The following PLEKHA8 variants were observed in gnomAD, a reference collection of about 807,000 sequenced individuals.
PLEKHA8 encodes the protein pleckstrin homology domain containing A8.
PLEKHA8 carries 36 observed loss-of-function variants against 68.2 expected under a neutral mutation model. That is an observed-to-expected ratio of 0.53 (90% CI 0.40 to 0.70). PLEKHA8 has a LOEUF of 0.70. PLEKHA8 is among the 30% of genes least tolerant of loss of function. The pLI, the probability that PLEKHA8 is intolerant of heterozygous loss-of-function variation, is 0.00. For synonymous variants in PLEKHA8, 211 were observed against 216.1 expected, an observed-to-expected ratio of 0.98 and a Z score of 0.20; for missense variants, 505 against 615.4, an observed-to-expected ratio of 0.82 and a Z score of 1.90.
At chr7:30,092,414 C>CA (rs1192408804), downstream of PLEKHA8, among the ~76,000 whole-genome samples, 2 of 152,012 alleles carry the variant, frequency 1.3e-5, no homozygotes, top group African/African-American at 4.8e-5. Flanking sequence ...CACTGTGTGT[C>CA]ACGGCACCTT....
intron 12 of PLEKHA8, chr7:30,069,679 T>G (rs895780784): frequency 3.3e-5 from 5 of 152,246 alleles, no homozygotes; most frequent in Non-Finnish European, 4.4e-5. Context: ...TTACATTGTT[T>G]ACAGAGTAAA....
downstream of PLEKHA8, among the ~76,000 whole-genome samples, chr7:30,093,874 G>A (rs1795507023): frequency 6.6e-6 from 1 of 152,214 alleles, no homozygotes; most frequent in South Asian, 2.1e-4. Context: ...TTGGACTCTG[G>A]TCTGCCTTTC....
rs146620418 is a variant in PLEKHA8 at position 30,036,566 on chromosome 7, T to A, written c.40+7764T>A. On this transcript the variant is annotated intron_variant, in intron 1 of 13. Coordinates refer to ENST00000449726, the MANE Select transcript of PLEKHA8 (RefSeq NM_001197026.2). ...TTAAACCATGGTTTCCTCACTCCGT[T>A]GTTTTAAGGTGCTGGTAGGACATAT... is the stretch of plus-strand genomic sequence containing the variant. Among the ~76,000 whole-genome samples the A allele has an allele frequency of 6.1e-4, 93 of 152,294 alleles. No homozygotes were observed. The East Asian group carries it at 0.017, about 27-fold the overall frequency.
rs1794889810 is a variant in PLEKHA8, at chr7:30,080,762, T to A, written c.*1975T>A. 1 of 985,156 alleles carries A rather than the reference T, an allele frequency of 1.0e-6. No homozygotes were observed. Among genetic ancestry groups the A allele is most frequent in the Non-Finnish European group, 1.2e-6 (1 of 829,900 alleles). 61.0% of individuals were successfully genotyped at this position (985,156 alleles called of 1,614,324 possible). On this transcript the variant is annotated 3_prime_UTR_variant, in exon 14 of 14. Coordinates refer to ENST00000449726, the MANE Select transcript of PLEKHA8 (RefSeq NM_001197026.2). ...CACTCTCATGAGCAGTGAGTATAGATCTCCTTCTCTGATTAGTATGAATAT... is the reference window on the plus strand; with the variant it reads ...CACTCTCATGAGCAGTGAGTATAGAACTCCTTCTCTGATTAGTATGAATAT...
In PLEKHA8 at chr7:30,083,867, A is replaced by G; in HGVS notation, c.*5080A>G. ...CCCTGGGATGGTTGATACCCCTTAC[A>G]AAGTCGATCTTACCCACACAGACTC... is the stretch of plus-strand genomic sequence containing the variant. On this transcript the variant is annotated 3_prime_UTR_variant, in exon 14 of 14. Transcript: ENST00000449726. 3.0e-6 allele frequency: 3 copies of G among 985,418 alleles called. No homozygotes were observed. Among genetic ancestry groups the G allele is most frequent in the Non-Finnish European group, 3.6e-6 (3 of 829,916 alleles). 61.0% of individuals were successfully genotyped at this position (985,418 alleles called of 1,614,324 possible). A position where few individuals can be genotyped will look rare whatever the true frequency, so the allele number is the denominator to read the frequency against.
chr7:30,085,818 G>A (rs1795158995), downstream of PLEKHA8, among the ~76,000 whole-genome samples: 2 of 152,178 alleles, frequency 1.3e-5, no homozygotes, highest in Non-Finnish European at 1.5e-5. Context: ...GCTATGTTGT[G>A]CCATGTGCAA....
At chr7:30,074,526 AG>A (rs763606107) in intron 13 of PLEKHA8, among the ~76,000 whole-genome samples, 2 of 152,174 alleles carry the variant, frequency 1.3e-5, no homozygotes, top group Non-Finnish European at 2.9e-5. Flanking sequence ...GGTAGTAAAA[AG>A]CTTAAGTATC....
intron 1 of PLEKHA8, among the ~76,000 whole-genome samples, chr7:30,041,338 A>G (rs1460622938): frequency 2.0e-5 from 3 of 152,210 alleles, no homozygotes; most frequent in African/African-American, 7.2e-5. Context: ...TCCCTTGTAT[A>G]ATTATAACCT....
chr7:30,079,118 C>T lies in PLEKHA8; in HGVS notation c.*331C>T. 9.7e-7 allele frequency: 1 copy of T among 1,028,162 alleles called. No homozygotes were observed. Among genetic ancestry groups the T allele is most frequent in the Non-Finnish European group, 1.2e-6 (1 of 856,914 alleles). The allele number at this position is 1,028,162 out of a possible 1,614,324, so 63.7% of individuals were successfully genotyped here. ...TGTTTTTATATTTTAGTCTAATGGG[C>T]CACCCAAACCCAAGCTGAAAATCAG... On this transcript the variant is annotated 3_prime_UTR_variant, in exon 14 of 14. Coordinates refer to ENST00000449726, the MANE Select transcript of PLEKHA8 (RefSeq NM_001197026.2).
chr7:30,101,959 T>A (rs934064936), intron 13 of PLEKHA8, among the ~76,000 whole-genome samples: 12 of 152,302 alleles, frequency 7.9e-5, no homozygotes, highest in African/African-American at 2.9e-4. Context: ...AAAAAACTTT[T>A]GTGCATCAAA....
chr7:30,032,568 CAG>C (rs1180665982), intron 1 of PLEKHA8, among the ~76,000 whole-genome samples: 24 of 152,202 alleles, frequency 1.6e-4, no homozygotes, highest in Admixed American at 4.6e-4. Flanking sequence ...TAAGTGGCTT[CAG>C]AGTCAGTGCT....
downstream of PLEKHA8, chr7:30,084,775 T>C (rs1795107999): frequency 2.3e-6 from 1 of 439,848 alleles, no homozygotes; most frequent in Non-Finnish European, 3.0e-6. Context: ...ATAAGAACAT[T>C]TCATCCTCCT....
intron 13 of PLEKHA8, among the ~76,000 whole-genome samples, chr7:30,128,979 G>A (rs1217714388): frequency 6.6e-6 from 1 of 152,144 alleles, no homozygotes; most frequent in Non-Finnish European, 1.5e-5. Context: ...CCATTCATGT[G>A]TGATCCACCC....
chr7:30,039,203 G>GA (rs1562853769), intron 1 of PLEKHA8, among the ~76,000 whole-genome samples: 1 of 152,154 alleles, frequency 6.6e-6, no homozygotes, highest in Non-Finnish European at 1.5e-5. Flanking sequence ...AGTTTTCAGT[G>GA]AAAAACTTAT....
At chr7:30,102,905 A>G (rs948980368) in intron 13 of PLEKHA8, among the ~76,000 whole-genome samples, 1 of 152,226 alleles carries the variant, frequency 6.6e-6, no homozygotes, top group African/African-American at 2.4e-5. Context: ...CTTCCCTACA[A>G]AAAATATTTT....
At chr7:30,104,713 CTTTTTTTTT>C (rs34669397) in intron 13 of PLEKHA8, among the ~76,000 whole-genome samples, 4 of 102,872 alleles carry the variant, frequency 3.9e-5, no homozygotes, top group South Asian at 3.2e-4. Context: ...GTCACAACAG[CTTTTTTTTT>C]TTTTTTTTTT....
downstream of PLEKHA8, among the ~76,000 whole-genome samples, chr7:30,091,673 A>G (rs11773644): frequency 0.14 from 21,948 of 152,156 alleles, 1,606 homozygotes; most frequent in Middle Eastern, 0.18. Flanking sequence ...AAAATTAGGG[A>G]AAAAAAGCCA....
chr7:30,049,053 A>C (rs1051798498), intron 4 of PLEKHA8, 171 bp from the exon 5 acceptor site: 1 of 743,830 alleles, frequency 1.3e-6, no homozygotes, highest in African/African-American at 1.8e-5. Context: ...AATAGTGCTG[A>C]TAGTTACTTG....
At chr7:30,063,666 C>T (rs1793617489) in intron 12 of PLEKHA8, among the ~76,000 whole-genome samples, 2 of 152,114 alleles carry the variant, frequency 1.3e-5, no homozygotes, top group Admixed American at 1.3e-4. Flanking sequence ...CCCGAGTCTG[C>T]CCCATCTAGC....
Sources: gnomAD v4.1 joint callset for allele counts (sites outside exome capture counted in the v4.1 genomes callset) on GRCh38, gnomAD v4.1.1 for gene constraint, MANE v1.5 for transcripts, NCBI Gene and HGNC (gene_info 2026-07-23, HGNC 2026-07-21) for gene names.